The following CRHR2 variants were observed in gnomAD, a reference collection of about 807,000 sequenced individuals.
The protein encoded by CRHR2 is corticotropin-releasing hormone receptor 2.
CRHR2 carries 53 observed loss-of-function variants against 57.9 expected under a neutral mutation model. That is an observed-to-expected ratio of 0.92 (90% confidence interval 0.73 to 1.15). The LOEUF is 1.15. Among genes scored for constraint, CRHR2 ranks in the 50% most tolerant of loss-of-function variants. The pLI, the probability that CRHR2 is intolerant of heterozygous loss-of-function variation, is 0.00. For missense variants in CRHR2, 532 were observed against 542.6 expected, an observed-to-expected ratio of 0.98 and a Z score of 0.19; for synonymous variants, 213 against 220.9, an observed-to-expected ratio of 0.96 and a Z score of 0.32.
intron 2 of CRHR2, 35 bp downstream of exon 2, chr7:30,681,877 CCGG>C: frequency 6.3e-7 from 1 of 1,586,982 alleles, no homozygotes; most frequent in Non-Finnish European, 8.6e-7. Context: ...TCTCAGGAGG[CCGG>C]TGTAGAGCAG....
intron 10 of CRHR2, 37 bp downstream of exon 10, chr7:30,655,543 G>C (rs746818425): frequency 5.5e-5 from 87 of 1,590,844 alleles, no homozygotes; most frequent in Non-Finnish European, 7.4e-5. Flanking sequence ...CCTCAGGAAA[G>C]CTCACTGTGG....
chr7:30,696,906 A>C (rs1005806722), intron 1 of CRHR2, among the ~76,000 whole-genome samples: 2 of 152,172 alleles, frequency 1.3e-5, no homozygotes, highest in African/African-American at 4.8e-5. Context: ...ATTTAGGAGG[A>C]ATACAGAATT....
intron 2 of CRHR2, among the ~76,000 whole-genome samples, chr7:30,680,978 C>T (rs1022115070): frequency 6.6e-6 from 1 of 151,906 alleles, no homozygotes; most frequent in Non-Finnish European, 1.5e-5. Flanking sequence ...AACTGGGGTC[C>T]GGCTGGAGAT....
At chr7:30,672,257 G>T (rs1465293903) in intron 2 of CRHR2, among the ~76,000 whole-genome samples, 1 of 152,232 alleles carries the variant, frequency 6.6e-6, no homozygotes. Context: ...GCTTGTGACT[G>T]CCTGGCTCAT....
chr7:30,660,500 C>T (rs1165495833), intron 8 of CRHR2, 73 bp downstream of exon 8: 14 of 1,455,376 alleles, frequency 9.6e-6, no homozygotes, highest in East Asian at 2.5e-5. Context: ...TCTTTCCCAG[C>T]GTCTCTGCCT....
intron 2 of CRHR2, among the ~76,000 whole-genome samples, chr7:30,669,993 C>T (rs913601829): frequency 2.0e-5 from 3 of 152,174 alleles, no homozygotes; most frequent in Admixed American, 2.0e-4. Context: ...ATGGAGCCAT[C>T]CCCGACACCC....
At chr7:30,683,262 TA>T (rs1784782576), upstream of CRHR2, among the ~76,000 whole-genome samples, 1 of 152,130 alleles carries the variant, frequency 6.6e-6, no homozygotes, top group African/African-American at 2.4e-5. Flanking sequence ...CCAGAAAGAA[TA>T]AAGGAAGAAG....
At chr7:30,700,079 C>G in exon 1 of CRHR2, 5 of 1,276,946 alleles carry the variant, frequency 3.9e-6, no homozygotes, top group Middle Eastern at 2.9e-4. Context: ...CTGCCCAGCA[C>G]GGTGGTCACA....
chr7:30,656,073 C>G lies in CRHR2; in HGVS notation c.832-61G>C. 6.6e-7 allele frequency: 1 copy of G among 1,504,418 alleles called. No individual in the cohort carries two copies. The highest frequency in any genetic ancestry group is 9.2e-7 in the Non-Finnish European group (1 of 1,083,780). 93.2% of individuals were successfully genotyped at this position (1,504,418 alleles called of 1,614,324 possible). On this transcript the variant is annotated intron_variant, in intron 8 of 11. Transcript: ENST00000471646. This position sits in a 1 kb window ranked among gnomAD's most constrained non-coding sequence, Gnocchi z 4.4. ...GAAGGAGCACGTGTTTGAGATGAGC[C>G]GAGAGGCAGCCCCCTTCCCCGCAGA... is the stretch of plus-strand genomic sequence containing the variant.
intron 2 of CRHR2, among the ~76,000 whole-genome samples, chr7:30,687,568 TCTC>T (rs1784880664): frequency 2.0e-5 from 3 of 152,202 alleles, no homozygotes; most frequent in African/African-American, 4.8e-5. Flanking sequence ...CTTATCATCT[TCTC>T]CTTTGAGTTA....
intron 2 of CRHR2, 150 bp from the exon 3 acceptor site, chr7:30,667,463 A>C (rs1784224422): frequency 4.8e-6 from 3 of 629,784 alleles, no homozygotes; most frequent in Admixed American, 3.0e-5. Context: ...CATGTAAGTC[A>C]CTTATGTGAA....
At chr7:30,687,297 G>T (rs1450075801), upstream of CRHR2, among the ~76,000 whole-genome samples, 1 of 152,152 alleles carries the variant, frequency 6.6e-6, no homozygotes, top group African/African-American at 2.4e-5. Context: ...TTCATGTGGG[G>T]TGATGCATCC....
At chr7:30,670,481 C>T (rs1467990455) in intron 2 of CRHR2, among the ~76,000 whole-genome samples, 1 of 152,202 alleles carries the variant, frequency 6.6e-6, no homozygotes, top group South Asian at 2.1e-4. Context: ...ACCTGCTGAC[C>T]CCTGGGAAAG....
intron 1 of CRHR2, among the ~76,000 whole-genome samples, chr7:30,692,376 T>G (rs1436274198): frequency 6.6e-6 from 1 of 152,144 alleles, no homozygotes; most frequent in Non-Finnish European, 1.5e-5. Flanking sequence ...CAGCTTTCCC[T>G]CGGACAATGG....
rs373619629 is a variant in CRHR2, at chr7:30,681,870, C to G, written c.229+45G>C. ...CTCTTTACTCCCTAAACCGCCTTCTCAGGAGGCCGGTGTAGAGCAGGCAGC... is the reference window on the plus strand; with the variant it reads ...CTCTTTACTCCCTAAACCGCCTTCTGAGGAGGCCGGTGTAGAGCAGGCAGC... On this transcript the variant is annotated intron_variant, in intron 2 of 11. Transcript: ENST00000471646. 2.2e-5 allele frequency: 34 copies of G among 1,580,348 alleles called. No individual in the cohort carries two copies. In the South Asian group the frequency reaches 3.6e-4, roughly 17 times the overall value.
chr7:30,657,036 C>T (rs1234484122), intron 8 of CRHR2, among the ~76,000 whole-genome samples: 1 of 152,024 alleles, frequency 6.6e-6, no homozygotes, highest in Non-Finnish European at 1.5e-5. Context: ...CAGAGGGAGA[C>T]ACATGTTAGC....
At chr7:30,682,920 G>T (rs1784774915), upstream of CRHR2, among the ~76,000 whole-genome samples, 1 of 152,214 alleles carries the variant, frequency 6.6e-6, no homozygotes, top group South Asian at 2.1e-4. Flanking sequence ...AGCCTCCATA[G>T]CCTCTGGGAA....
At chr7:30,677,593 T>C (rs555093456) in intron 2 of CRHR2, among the ~76,000 whole-genome samples, 18 of 152,310 alleles carry the variant, frequency 1.2e-4, no homozygotes, top group Non-Finnish European at 1.9e-4. Context: ...CCTCCCCGCC[T>C]AGAGCTAAAA....
chr7:30,682,379 T>TC lies in CRHR2; in HGVS notation c.-100dup. 1 of 1,398,998 alleles carries TC rather than the reference T, an allele frequency of 7.1e-7. No homozygotes were observed. The highest frequency in any genetic ancestry group is 9.3e-7 in the Non-Finnish European group (1 of 1,080,690). The allele number at this position is 1,398,998 out of a possible 1,614,324, so 86.7% of individuals were successfully genotyped here. A position where few individuals can be genotyped will look rare whatever the true frequency, so the allele number is the denominator to read the frequency against. ...AGTGAGCGGCCGAGAGGGCGCGGGG[T>TC]CCTGGCCCCCGCCAGCCCAGCCCCG... On this transcript the variant is annotated 5_prime_UTR_variant, in exon 1 of 12. Coordinates refer to ENST00000471646, the MANE Select transcript of CRHR2 (RefSeq NM_001883.5).
Sources: gnomAD v4.1 joint callset for allele counts (sites outside exome capture counted in the v4.1 genomes callset) on GRCh38, gnomAD v4.1.1 for gene constraint, Gnocchi (gnomAD v3.1) non-coding constraint, MANE v1.5 for transcripts, NCBI Gene and HGNC (gene_info 2026-07-23, HGNC 2026-07-21) for gene names.